ERC2: variants seen among roughly 807,000 people sequenced by gnomAD.
The protein encoded by ERC2 is ERC protein 2.
A neutral mutation model predicts 114.8 loss-of-function variants in ERC2; 42 were observed. The observed-to-expected ratio is 0.37, with a 90% CI of 0.29 to 0.47. The LOEUF (loss-of-function observed/expected upper bound fraction) is 0.47, where lower values mean the gene tolerates loss of function less well. Ranked by LOEUF, ERC2 falls within the 20% of genes least tolerant of loss-of-function variation. The pLI is 0.99. For synonymous variants in ERC2, 454 were observed against 425.5 expected (o/e 1.07, Z -0.82); for missense variants, 939 against 1,150.7 (o/e 0.82, Z 2.66).
chr3:55,719,703 C>T (rs1331165111), intron 15 of ERC2, among the ~76,000 whole-genome samples: 1 of 152,050 alleles, frequency 6.6e-6, no homozygotes, highest in Non-Finnish European at 1.5e-5. Flanking sequence ...GATTGCTCTT[C>T]CCCCACCAAT....
At chr3:56,111,577 T>TA (rs2078967922) in intron 6 of ERC2, among the ~76,000 whole-genome samples, 1 of 152,134 alleles carries the variant, frequency 6.6e-6, no homozygotes, top group Non-Finnish European at 1.5e-5. Flanking sequence ...GCAGACCACT[T>TA]ACAGCAGCAC....
intron 14 of ERC2, among the ~76,000 whole-genome samples, chr3:55,863,697 T>C (rs1172332361): frequency 6.6e-6 from 1 of 152,130 alleles, no homozygotes; most frequent in Non-Finnish European, 1.5e-5. Flanking sequence ...GATTTTCTAA[T>C]AGCCACATCA....
chr3:55,759,866 G>C (rs867969731), intron 14 of ERC2, among the ~76,000 whole-genome samples: 2 of 152,188 alleles, frequency 1.3e-5, no homozygotes, highest in African/African-American at 4.8e-5. Context: ...TAATTAAATT[G>C]TGCTTAACGA....
At chr3:55,959,149 T>C (rs1488517907) in intron 12 of ERC2, among the ~76,000 whole-genome samples, 1 of 152,184 alleles carries the variant, frequency 6.6e-6, no homozygotes, top group Non-Finnish European at 1.5e-5. Context: ...CACCATTGAC[T>C]TTCCTACCCA....
At chr3:55,764,359 T>C (rs776520153) in intron 14 of ERC2, among the ~76,000 whole-genome samples, 1 of 152,254 alleles carries the variant, frequency 6.6e-6, no homozygotes, top group Non-Finnish European at 1.5e-5. Context: ...TAGAACTGGC[T>C]TCTGTCACAC....
intron 14 of ERC2, among the ~76,000 whole-genome samples, chr3:55,763,460 A>G (rs904589072): frequency 2.6e-5 from 4 of 152,182 alleles, no homozygotes; most frequent in Admixed American, 2.6e-4. Flanking sequence ...AGATAGATGC[A>G]TCGGGTGTGT....
chr3:56,260,821 T>C lies in ERC2; in HGVS notation c.1074+35198A>G, dbSNP rs567907991. Among the ~76,000 whole-genome samples, 3 of 152,288 alleles carry C rather than the reference T, an allele frequency of 2.0e-5. No homozygotes were observed. The East Asian group carries it at 5.8e-4, about 29-fold the overall frequency. On this transcript the variant is annotated intron_variant, in intron 3 of 17. Transcript: ENST00000288221. ...AGCTGCATCTTGTTCCCAGGCCAAT[T>C]CTCAGAATGCCAATTTGATTATGTC...
At chr3:55,891,326 C>A (rs956492139) in intron 13 of ERC2, among the ~76,000 whole-genome samples, 1 of 152,096 alleles carries the variant, frequency 6.6e-6, no homozygotes, top group African/African-American at 2.4e-5. Flanking sequence ...CCAGGGCAAA[C>A]CCACATCACA....
intron 14 of ERC2, among the ~76,000 whole-genome samples, chr3:55,808,022 A>C (rs985091668): frequency 2.8e-4 from 43 of 152,318 alleles, no homozygotes; most frequent in African/African-American, 9.6e-4. Context: ...CATCCAGCTG[A>C]GTGAAGTAAA....
chr3:56,367,072 T>C (rs186923159), intron 2 of ERC2, among the ~76,000 whole-genome samples: 5 of 152,294 alleles, frequency 3.3e-5, no homozygotes, highest in Non-Finnish European at 4.4e-5. Context: ...AGTCTAATTC[T>C]TCTCCAGAAA....
intron 14 of ERC2, among the ~76,000 whole-genome samples, chr3:55,831,823 C>A (rs1327495625): frequency 6.6e-6 from 1 of 152,198 alleles, no homozygotes; most frequent in East Asian, 1.9e-4. Flanking sequence ...TCGGGAAGTG[C>A]AAGGGGCCAA....
At chr3:55,801,662 C>G (rs1033114537) in intron 14 of ERC2, among the ~76,000 whole-genome samples, 1 of 152,188 alleles carries the variant, frequency 6.6e-6, no homozygotes, top group African/African-American at 2.4e-5. Flanking sequence ...AAGAGGTTCT[C>G]GAAGTGAGCA....
At chr3:56,145,096 C>T (rs1464591839) in intron 5 of ERC2, among the ~76,000 whole-genome samples, 1 of 152,210 alleles carries the variant, frequency 6.6e-6, no homozygotes, top group Non-Finnish European at 1.5e-5. Flanking sequence ...GTGACACAAA[C>T]TACACCCTGA....
At chr3:56,266,525 T>C (rs1256036115) in intron 3 of ERC2, among the ~76,000 whole-genome samples, 1 of 152,152 alleles carries the variant, frequency 6.6e-6, no homozygotes, top group Non-Finnish European at 1.5e-5. Context: ...GTGCTCAACA[T>C]CACTAATCAT....
At chr3:56,253,555 A>G (rs2052323413) in intron 3 of ERC2, among the ~76,000 whole-genome samples, 1 of 152,210 alleles carries the variant, frequency 6.6e-6, no homozygotes, top group Non-Finnish European at 1.5e-5. Flanking sequence ...TAGTTGTCCC[A>G]GTTTACACCA....
At chr3:55,842,698 C>G (rs961753232) in intron 14 of ERC2, among the ~76,000 whole-genome samples, 1 of 150,264 alleles carries the variant, frequency 6.7e-6, no homozygotes, top group African/African-American at 2.5e-5. Flanking sequence ...GTGAAATTAA[C>G]ACATAGACTC....
In ERC2 at chr3:56,380,548, A is replaced by T. The variant is rs574160748; in HGVS notation, c.657+53803T>A. Among the ~76,000 whole-genome samples, 8 of 152,274 alleles carry T rather than the reference A, an allele frequency of 5.3e-5. 1 individual carries two copies. In the South Asian group the frequency reaches 1.0e-3, roughly 20 times the overall value. ...TTGGACCCACGTTTTCTTGGCTAAT[A>T]GCCTTTCAGGAAATAGGCATGGTAT... On this transcript the variant is annotated intron_variant, in intron 2 of 17. Coordinates refer to ENST00000288221, the MANE Select transcript of ERC2 (RefSeq NM_015576.3).
intron 6 of ERC2, among the ~76,000 whole-genome samples, chr3:56,123,467 C>A (rs1186991529): frequency 6.6e-6 from 1 of 152,094 alleles, no homozygotes; most frequent in Non-Finnish European, 1.5e-5. Context: ...ATTCTTGCTT[C>A]TAAGCCAGAA....
Position 56,034,758 on chromosome 3 carries a change from A to T in ERC2, c.1642-15727T>A, listed in dbSNP as rs112984956. On this transcript the variant is annotated intron_variant, in intron 7 of 17. Transcript: ENST00000288221. ...AGAAAGAAATCAAAAGGGAAATTTAAAAATATATTGAAACAAATAAAAATG... is the reference window on the plus strand; with the variant it reads ...AGAAAGAAATCAAAAGGGAAATTTATAAATATATTGAAACAAATAAAAATG... Among the ~76,000 whole-genome samples the T allele has an allele frequency of 2.9e-3, 443 of 152,308 alleles. 3 individuals carry two copies. Among genetic ancestry groups the T allele is most frequent in the African/African-American group, 0.01 (428 of 41,596 alleles).
Sources: allele counts gnomAD v4.1 joint callset (sites outside exome capture counted in the v4.1 genomes callset), GRCh38; gene constraint gnomAD v4.1.1; transcripts MANE v1.5; gene names NCBI Gene and HGNC (gene_info 2026-07-23, HGNC 2026-07-21).